Variants in SZT2 observed in about 807,000 individuals in gnomAD.
SZT2 encodes the protein SZT2 subunit of KICSTOR complex, also known as KICSTOR complex protein SZT2.
A neutral mutation model predicts 404.2 loss-of-function variants in SZT2; 216 were observed. That is an observed-to-expected ratio of 0.53 (90% CI 0.48 to 0.60). The LOEUF is 0.60. Among genes scored for constraint, SZT2 ranks in the 20% least tolerant of loss-of-function variants. The pLI, the probability that SZT2 is intolerant of heterozygous loss-of-function variation, is 0.00. For missense variants in SZT2, 3,857 were observed against 4,459.2 expected (o/e 0.86, Z 3.85); for synonymous variants, 1,693 against 1,749.9 (o/e 0.97, Z 0.81).
At chr1:43,409,435 G>A in intron 4 of SZT2, 1 of 367,892 alleles carries the variant, frequency 2.7e-6, no homozygotes, top group Non-Finnish European at 5.2e-6. Flanking sequence ...AGTCAGACAA[G>A]AGAAAGAAAG....
At chr1:43,436,549 C>T (rs1253019905) in intron 42 of SZT2, 1 of 152,400 alleles carries the variant, frequency 6.6e-6, no homozygotes, top group African/African-American at 2.4e-5. Context: ...ACTTCAGCCT[C>T]CTGGGTAGCC....
chr1:43,435,993 T>C (rs1350916279), intron 42 of SZT2: 5 of 152,208 alleles, frequency 3.3e-5, no homozygotes, highest in African/African-American at 1.2e-4. Context: ...TGCCTTCTGA[T>C]TGGCTGTTCC....
At position 43,439,261 on chromosome 1, in the gene SZT2, A is replaced by G. The variant is rs1570703721; in HGVS notation, c.6793-97A>G. The stretch of plus-strand genomic sequence containing the variant: ...CCCGCCTGTGTCTTCTCATGCTCCC[A>G]TATCTACCTGCACCACATTCCCCAC... On this transcript the variant is annotated intron_variant, in intron 48 of 71. Transcript: ENST00000634258. This position sits in a 1 kb window ranked among gnomAD's most constrained non-coding sequence, Gnocchi z 4.2. The G allele has an allele frequency of 6.5e-7, 1 of 1,533,824 alleles. No homozygotes were observed. The highest frequency in any genetic ancestry group is 9.0e-7 in the Non-Finnish European group (1 of 1,110,516).
chr1:43,423,787 T>C (rs1395028889), intron 15 of SZT2, among the ~76,000 whole-genome samples: 13 of 112,396 alleles, frequency 1.2e-4, no homozygotes, highest in East Asian at 6.3e-4. Context: ...TGTGGAAGGG[T>C]GTGACTTAGG....
rs763086025 is a variant in SZT2 at position 43,443,274 on chromosome 1, G to A, written c.8499+7G>A. The A allele has an allele frequency of 6.2e-7, 1 of 1,614,160 alleles. No individual in the cohort carries two copies. The highest frequency in any genetic ancestry group is 1.7e-5 in the Admixed American group (1 of 60,012). ...AGCCACCATGCCCATCAGTGTGAGT[G>A]ACCCCAGCTTGCATCTTCCTTGAGT... On this transcript the variant is annotated splice_region_variant and intron_variant, in intron 60 of 71. Transcript: ENST00000634258.
Position 43,427,588 on chromosome 1 carries a change from C to T in SZT2, c.3657C>T (p.Tyr1219=), listed in dbSNP as rs111604978. The T allele has an allele frequency of 2.7e-5, 44 of 1,614,112 alleles. No homozygotes were observed. Among genetic ancestry groups the T allele is most frequent in the African/African-American group, 2.5e-4 (19 of 74,932 alleles). ...SPPFRRDLQA[Y]AGRQASQTES... is the part of the protein sequence containing the mutation. The stretch of plus-strand genomic sequence containing the variant: ...CATTCCGTCGAGACTTACAGGCTTA[C>T]GCTGGGCGTCAGGCTTCCCAGACAG... The change falls in exon 26 of 72, where the codon TAC becomes TAT. Residue 1219 remains tyrosine, a synonymous_variant. Coordinates refer to ENST00000634258, the MANE Select transcript of SZT2 (RefSeq NM_001365999.1).
In SZT2 at chr1:43,426,355, G is replaced by A; in HGVS notation, c.3044-13G>A. 1 of 1,533,894 alleles carries A rather than the reference G, an allele frequency of 6.5e-7. No individual in the cohort carries two copies. Among genetic ancestry groups the A allele is most frequent in the East Asian group, 2.4e-5 (1 of 41,264 alleles). ...GGAGGCTCTTGGTGCTGAGCAGAGT[G>A]TGTGTCGGGCAGAGCCAGAGGGTGT... On this transcript the variant is annotated splice_polypyrimidine_tract_variant and intron_variant, in intron 21 of 71. Transcript: ENST00000634258. This position sits in a 1 kb window ranked among gnomAD's most constrained non-coding sequence, Gnocchi z 4.9.
chr1:43,404,045 A>G (rs1649999170), intron 3 of SZT2: 1 of 524,946 alleles, frequency 1.9e-6, no homozygotes, highest in African/African-American at 1.9e-5. Flanking sequence ...CTCCCTCTCT[A>G]TAAAAAATAC....
intron 13 of SZT2, 40 bp downstream of exon 13, chr1:43,422,672 C>T (rs1392987058): frequency 2.1e-6 from 2 of 938,216 alleles, no homozygotes; most frequent in African/African-American, 3.6e-5. Flanking sequence ...GCCCCCCCAC[C>T]CCCCCGCCAC....
Position 43,433,174 on chromosome 1 carries a change from G to A in SZT2, c.5788G>A (p.Val1930Met), listed in dbSNP as rs1317931428. ...CCGGGTCCTGCAGGACCGTGTGGAAGTGTATGCACATGCACGGTAAGTAGA... is the reference window on the plus strand; with the variant it reads ...CCGGGTCCTGCAGGACCGTGTGGAAATGTATGCACATGCACGGTAAGTAGA... ...IVRVLQDRVE[V>M]YAHARSLIRE... The change falls in exon 40 of 72, where the codon GTG becomes ATG. Residue 1930 changes from valine (V) to methionine (M), a missense_variant. This residue lies in a region of SZT2 where 1,725 missense variants were observed against 1,881.0 expected (regional missense o/e 0.92). Transcript: ENST00000634258. 1 of 1,613,838 alleles carries A rather than the reference G, an allele frequency of 6.2e-7. No homozygotes were observed. Among genetic ancestry groups the A allele is most frequent in the African/African-American group, 1.3e-5 (1 of 75,054 alleles).
intron 63 of SZT2, 39 bp from the exon 64 acceptor site, chr1:43,446,140 G>A: frequency 6.2e-7 from 1 of 1,612,462 alleles, no homozygotes; most frequent in Non-Finnish European, 8.5e-7. Context: ...TTCGAGGCTG[G>A]TGAGCCCCCA....
intron 1 of SZT2, among the ~76,000 whole-genome samples, chr1:43,396,265 TAAAG>T (rs1557500683): frequency 6.6e-6 from 1 of 152,168 alleles, no homozygotes; most frequent in East Asian, 1.9e-4. Context: ...GAGACACACT[TAAAG>T]AACCCAAAGA....
rs1245368225 is a variant in SZT2 at position 43,434,512 on chromosome 1, GAC to G, written c.5904+33_5904+34del. On this transcript the variant is annotated intron_variant, in intron 41 of 71. Coordinates refer to ENST00000634258, the MANE Select transcript of SZT2 (RefSeq NM_001365999.1). ...TAAGGGGCAGGACTCTCCAGACCCG[GAC>G]ACACAGAGCAGATGAGAACCAAATT... The G allele has an allele frequency of 1.9e-6, 3 of 1,559,108 alleles. No individual in the cohort carries two copies. In the African/African-American group the frequency reaches 4.0e-5, roughly 21 times the overall value.
chr1:43,437,736 TC>T lies in SZT2; in HGVS notation c.6396+38del. On this transcript the variant is annotated intron_variant, in intron 45 of 71. Transcript: ENST00000634258. This position sits in a 1 kb window ranked among gnomAD's most constrained non-coding sequence, Gnocchi z 5.3. ...CTCCCACTCTCTGATGCCCCTGTGT[TC>T]CTCTTGCACTTTGCTCTCTGGAACC... 1 of 1,614,102 alleles carries T rather than the reference TC, an allele frequency of 6.2e-7. No homozygotes were observed. The highest frequency in any genetic ancestry group is 8.5e-7 in the Non-Finnish European group (1 of 1,179,984).
At chr1:43,390,143 T>A in intron 1 of SZT2, 148 bp downstream of exon 1, 1 of 925,150 alleles carries the variant, frequency 1.1e-6, no homozygotes. Flanking sequence ...GGCCCGACTA[T>A]GGTACCCCTG....
In SZT2 at chr1:43,425,904, A is replaced by C; in HGVS notation, c.2884A>C (p.Ser962Arg). The change falls in exon 20 of 72, where the codon AGC (serine) becomes CGC (arginine). Residue 962 changes from serine to arginine, a missense_variant. Transcript: ENST00000634258. The surrounding 1 kb of genome is among the most constrained non-coding windows in gnomAD (Gnocchi z 4.3). Reference sequence around the variant, plus strand: ...TGAATACCTGATACAGCTGTGTCAGAGCAAGGAATGGGGTCCTCTGCCCCC... The same window carrying C: ...TGAATACCTGATACAGCTGTGTCAGCGCAAGGAATGGGGTCCTCTGCCCCC... ...SFEYLIQLCQ[S>R]KEWGPLPPEP... The C allele has an allele frequency of 1.2e-6, 2 of 1,614,130 alleles. No individual in the cohort carries two copies. Among genetic ancestry groups the C allele is most frequent in the Non-Finnish European group, 1.7e-6 (2 of 1,180,020 alleles).
chr1:43,402,322 C>T (rs1001094375), intron 1 of SZT2, among the ~76,000 whole-genome samples: 1 of 152,128 alleles, frequency 6.6e-6, no homozygotes, highest in Non-Finnish European at 1.5e-5. Flanking sequence ...CCTCAGTGAA[C>T]TGTGGGCAAG....
At chr1:43,446,042 G>A in intron 63 of SZT2, 58 bp downstream of exon 63, 1 of 1,600,122 alleles carries the variant, frequency 6.2e-7, no homozygotes, top group Non-Finnish European at 8.6e-7. Context: ...CACGGCCTGA[G>A]GTCATTGACC....
At chr1:43,432,872 T>C in intron 39 of SZT2, 73 bp downstream of exon 39, 2 of 1,597,922 alleles carry the variant, frequency 1.3e-6, no homozygotes, top group Non-Finnish European at 1.7e-6. Context: ...GGGAAAGGTC[T>C]GGACAGGAGA....
Sources: gnomAD v4.1 joint callset for allele counts (sites outside exome capture counted in the v4.1 genomes callset) on GRCh38, gnomAD v4.1.1 for gene constraint, gnomAD v4.1.1 regional missense constraint, Gnocchi (gnomAD v3.1) non-coding constraint, MANE v1.5 for transcripts, NCBI Gene and HGNC (gene_info 2026-07-23, HGNC 2026-07-21) for gene names.